IKZF1: variants seen among roughly 807,000 people sequenced by gnomAD.
IKZF1 encodes DNA-binding protein Ikaros.
A neutral mutation model predicts 51.7 loss-of-function variants in IKZF1; 10 were observed. The ratio of observed to expected loss-of-function variants is 0.19; its 90% CI spans 0.12 to 0.33. IKZF1 has a LOEUF of 0.33. Among genes scored for constraint, IKZF1 ranks in the 10% least tolerant of loss-of-function variants. The pLI, the probability that IKZF1 is intolerant of heterozygous loss-of-function variation, is 1.00. For missense variants in IKZF1, 484 were observed against 707.5 expected (o/e 0.68, Z 3.58); for synonymous variants, 280 against 282.3 (o/e 0.99, Z 0.08).
At position 50,399,926 on chromosome 7, in the gene IKZF1, G is replaced by C; in HGVS notation, c.859G>C (p.Gly287Arg). The change falls in exon 8 of 8, where the codon GGC becomes CGC. Residue 287 changes from glycine (G) to arginine (R), a missense_variant. By Grantham distance (125) the Gly-to-Arg change is moderately radical. Coordinates refer to ENST00000331340, the MANE Select transcript of IKZF1 (RefSeq NM_006060.6). ...SMPQKFLGDK[G>R]LSDTPYDSSA... ...TCGCCTGCTTTCCACAGGGGACAAGGGCCTGTCCGACACGCCCTACGACAG... is the reference window on the plus strand; with the variant it reads ...TCGCCTGCTTTCCACAGGGGACAAGCGCCTGTCCGACACGCCCTACGACAG... 1 of 1,612,078 alleles carries C rather than the reference G, an allele frequency of 6.2e-7. No individual in the cohort carries two copies. Among genetic ancestry groups the C allele is most frequent in the Non-Finnish European group, 8.5e-7 (1 of 1,179,410 alleles).
Position 50,341,521 on chromosome 7 carries a change from A to G in IKZF1, c.160+13764A>G, listed in dbSNP as rs989518671. ...TGCCTTATGAGACGCAACAACGTTGAACAGTCATTGTTTGAGGGACAGAGG... is the reference window on the plus strand; with the variant it reads ...TGCCTTATGAGACGCAACAACGTTGGACAGTCATTGTTTGAGGGACAGAGG... On this transcript the variant is annotated intron_variant, in intron 3 of 7. Coordinates refer to ENST00000331340, the MANE Select transcript of IKZF1 (RefSeq NM_006060.6). 7.6e-3 allele frequency among the ~76,000 whole-genome samples: 1,156 copies of G among 152,224 alleles called. 17 individuals carry two copies. The highest frequency in any genetic ancestry group is 0.026 in the African/African-American group (1,094 of 41,534).
chr7:50,361,587 G>A (rs556635866), intron 3 of IKZF1, among the ~76,000 whole-genome samples: 1 of 152,268 alleles, frequency 6.6e-6, no homozygotes, highest in African/African-American at 2.4e-5. Flanking sequence ...TCATTTAAAA[G>A]CTAATCCTGG....
chr7:50,381,335 T>C (rs1811789436), intron 4 of IKZF1, among the ~76,000 whole-genome samples: 1 of 152,256 alleles, frequency 6.6e-6, no homozygotes, highest in African/African-American at 2.4e-5. Context: ...AAATATGTTG[T>C]TACAATATCT....
intron 1 of IKZF1, among the ~76,000 whole-genome samples, chr7:50,316,170 T>C (rs997104396): frequency 5.9e-5 from 9 of 152,160 alleles, no homozygotes; most frequent in African/African-American, 2.2e-4. Flanking sequence ...TCCTTTATGA[T>C]GTCAGACGAG....
At chr7:50,394,293 A>G (rs1816057566) in intron 7 of IKZF1, 2 of 232,970 alleles carry the variant, frequency 8.6e-6, no homozygotes, top group South Asian at 3.6e-4. Flanking sequence ...CCCCCGCTTC[A>G]ACTTGATGAG....
At chr7:50,303,596 A>C (rs1236319491), upstream of IKZF1, among the ~76,000 whole-genome samples, 1 of 152,002 alleles carries the variant, frequency 6.6e-6, no homozygotes, top group Admixed American at 6.5e-5. This position sits in a 1 kb window ranked among gnomAD's most constrained non-coding sequence, Gnocchi z 4.7. Context: ...CTTGCGGAGG[A>C]TCAACTTTTC....
rs2153477703 is a variant in IKZF1, at chr7:50,382,623, G to A, written c.505G>A (p.Gly169Arg). Residue 169 changes from glycine to arginine, a missense_variant, in exon 5 of 8, where the codon GGG (glycine) becomes AGG (arginine). Transcript: ENST00000331340. ...GCTCCGGCACATCAAGCTGCATTCC[G>A]GGGAGAAGCCCTTCAAATGCCACCT... is the stretch of plus-strand genomic sequence containing the variant. Reference protein sequence around the residue: ...NLLRHIKLHSGEKPFKCHLCN... With the variant: ...NLLRHIKLHSREKPFKCHLCN... 2 of 1,613,498 alleles carry A rather than the reference G, an allele frequency of 1.2e-6. No homozygotes were observed. The highest frequency in any genetic ancestry group is 1.7e-6 in the Non-Finnish European group (2 of 1,179,850).
intron 3 of IKZF1, among the ~76,000 whole-genome samples, chr7:50,358,538 A>G (rs1248344476): frequency 3.9e-5 from 6 of 152,118 alleles, no homozygotes; most frequent in Non-Finnish European, 2.9e-5. Flanking sequence ...TTGGTTTCAT[A>G]CGTGAGGAAG....
At chr7:50,339,214 G>T (rs932221408) in intron 3 of IKZF1, among the ~76,000 whole-genome samples, 40 of 62,348 alleles carry the variant, frequency 6.4e-4, no homozygotes, top group Middle Eastern at 9.8e-3. Flanking sequence ...TTTGGGTAGG[G>T]TTGTGTGTGT....
At chr7:50,365,470 T>C (rs779233184) in intron 3 of IKZF1, among the ~76,000 whole-genome samples, 1 of 152,214 alleles carries the variant, frequency 6.6e-6, no homozygotes, top group Admixed American at 6.5e-5. Flanking sequence ...GAAACGTGAT[T>C]GACATTCAAC....
chr7:50,324,640 G>A (rs577908188), intron 2 of IKZF1, among the ~76,000 whole-genome samples: 63 of 152,292 alleles, frequency 4.1e-4, no homozygotes, highest in Middle Eastern at 3.4e-3. Flanking sequence ...CTGGAGCACT[G>A]ACATTTAGTT....
intron 5 of IKZF1, among the ~76,000 whole-genome samples, chr7:50,384,822 A>G (rs1256789617): frequency 6.6e-6 from 1 of 152,238 alleles, no homozygotes; most frequent in Non-Finnish European, 1.5e-5. Flanking sequence ...GGGAAGCACC[A>G]CTTCCCATGT....
chr7:50,400,890 T>A lies in IKZF1; in HGVS notation c.*263T>A, dbSNP rs917248659. 2.5e-5 allele frequency: 13 copies of A among 516,756 alleles called. No homozygotes were observed. The highest frequency in any genetic ancestry group is 3.8e-5 in the Admixed American group (1 of 26,652). The allele number at this position is 516,756 out of a possible 1,614,324, so 32.0% of individuals were successfully genotyped here. ...CTAGATGTTTCCCCAGACCGCTGGC[T>A]GAGATTCCCTCACCTGTCGCTTCCT... On this transcript the variant is annotated 3_prime_UTR_variant, in exon 8 of 8. Transcript: ENST00000331340. This position sits in a 1 kb window ranked among gnomAD's most constrained non-coding sequence, Gnocchi z 5.4.
rs144424252 is a variant in IKZF1 at position 50,364,258 on chromosome 7, G to A, written c.161-12275G>A. Among the ~76,000 whole-genome samples the A allele has an allele frequency of 3.1e-3, 478 of 152,298 alleles. 2 individuals carry two copies. The highest frequency in any genetic ancestry group is 0.011 in the African/African-American group (441 of 41,558). Reference sequence around the variant, plus strand: ...AGCTAAATGCAAACTGAAAAGTGTGGTTTGTGGGTATTTCATTTTTCCCAT... The same window carrying A: ...AGCTAAATGCAAACTGAAAAGTGTGATTTGTGGGTATTTCATTTTTCCCAT... On this transcript the variant is annotated intron_variant, in intron 3 of 7. Coordinates refer to ENST00000331340, the MANE Select transcript of IKZF1 (RefSeq NM_006060.6).
At chr7:50,327,876 TAAAG>T (rs1190326446) in intron 3 of IKZF1, 119 bp downstream of exon 3, 159 of 1,155,960 alleles carry the variant, frequency 1.4e-4, no homozygotes, top group Non-Finnish European at 3.1e-5. Flanking sequence ...ACTGGCATAT[TAAAG>T]AAATATGGCA....
intron 3 of IKZF1, among the ~76,000 whole-genome samples, chr7:50,331,687 A>G (rs1180198987): frequency 6.6e-6 from 1 of 152,226 alleles, no homozygotes; most frequent in Non-Finnish European, 1.5e-5. Flanking sequence ...CACTCCCAGA[A>G]TAAACAAATA....
At chr7:50,306,331 A>G (rs1788776788) in intron 1 of IKZF1, among the ~76,000 whole-genome samples, 1 of 152,204 alleles carries the variant, frequency 6.6e-6, no homozygotes, top group African/African-American at 2.4e-5. Context: ...CTTAAGTCTC[A>G]CAGTCAATCA....
In IKZF1 at chr7:50,404,874, TCTC is replaced by T. The variant is rs1393554979; in HGVS notation, c.*4250_*4252del. ...TGAGTATTCATTTACCCTTTTCTGA[TCTC>T]CTGGAAACAGCTGCCTGCCTGCATT... is the stretch of plus-strand genomic sequence containing the variant. On this transcript the variant is annotated 3_prime_UTR_variant, in exon 8 of 8. Coordinates refer to ENST00000331340, the MANE Select transcript of IKZF1 (RefSeq NM_006060.6). 1.4e-5 allele frequency: 3 copies of T among 219,546 alleles called. No individual in the cohort carries two copies. The highest frequency in any genetic ancestry group is 2.7e-5 in the Non-Finnish European group (3 of 109,512). 13.6% of individuals were successfully genotyped at this position (219,546 alleles called of 1,614,324 possible).
intron 3 of IKZF1, among the ~76,000 whole-genome samples, chr7:50,333,847 C>T (rs1374439018): frequency 2.0e-5 from 3 of 152,180 alleles, no homozygotes; most frequent in Non-Finnish European, 2.9e-5. Flanking sequence ...TTGCAATTTA[C>T]TACCACTATC....
Sources: gnomAD v4.1 joint callset for allele counts (sites outside exome capture counted in the v4.1 genomes callset) on GRCh38, gnomAD v4.1.1 for gene constraint, Gnocchi (gnomAD v3.1) non-coding constraint, MANE v1.5 for transcripts, NCBI Gene and HGNC (gene_info 2026-07-23, HGNC 2026-07-21) for gene names.